Variants in CCDC91 observed in about 807,000 individuals in gnomAD.
CCDC91 encodes coiled-coil domain containing 91, also known as coiled-coil domain-containing protein 91.
CCDC91 carries 48 observed loss-of-function variants against 63.2 expected under a neutral mutation model. That is an observed-to-expected ratio of 0.76 (90% CI 0.60 to 0.97). The LOEUF is 0.97. Ranked by LOEUF, CCDC91 falls within the 50% of genes least tolerant of loss-of-function variation. The pLI is 0.00. For missense variants in CCDC91, 500 were observed against 494.6 expected (o/e 1.01, Z -0.10); for synonymous variants, 167 against 165.8 (o/e 1.01, Z -0.06).
intron 8 of CCDC91, among the ~76,000 whole-genome samples, chr12:28,406,606 CAGA>C (rs1178994272): frequency 6.6e-6 from 1 of 152,010 alleles, no homozygotes; most frequent in Non-Finnish European, 1.5e-5. Context: ...TTTCTAAGAG[CAGA>C]AGTTTTAAGG....
chr12:28,394,617 G>T (rs1349690896), intron 8 of CCDC91, among the ~76,000 whole-genome samples: 1 of 151,674 alleles, frequency 6.6e-6, no homozygotes, highest in African/African-American at 2.4e-5. Context: ...AGTACCTTCA[G>T]TTTAACAACA....
intron 12 of CCDC91, among the ~76,000 whole-genome samples, chr12:28,512,190 C>CT (rs1438121497): frequency 6.6e-6 from 1 of 151,798 alleles, no homozygotes; most frequent in South Asian, 2.1e-4. Flanking sequence ...GTACAAATGT[C>CT]TTTTTTGTAT....
At chr12:28,213,172 A>G (rs905035567) in intron 1 of CCDC91, among the ~76,000 whole-genome samples, 6 of 152,254 alleles carry the variant, frequency 3.9e-5, no homozygotes, top group Admixed American at 3.9e-4. Context: ...CTTTCCCCCC[A>G]GGGGAATTAA....
At chr12:28,286,456 G>GT (rs1351864014) in intron 3 of CCDC91, among the ~76,000 whole-genome samples, 2 of 152,094 alleles carry the variant, frequency 1.3e-5, no homozygotes, top group Non-Finnish European at 2.9e-5. Flanking sequence ...AGAACATAGA[G>GT]TTTTTGGCTT....
At chr12:28,505,876 G>A (rs76151073) in intron 12 of CCDC91, among the ~76,000 whole-genome samples, 250 of 152,074 alleles carry the variant, frequency 1.6e-3, no homozygotes, top group African/African-American at 5.9e-3. Context: ...CTCCAACGGA[G>A]AGCAAACAGA....
In CCDC91 at chr12:28,282,860, T is replaced by C. The variant is rs142293663; in HGVS notation, c.110-22789T>C. On this transcript the variant is annotated intron_variant, in intron 3 of 12. Coordinates refer to ENST00000536442, the MANE Select transcript of CCDC91 (RefSeq NM_018318.5). The stretch of plus-strand genomic sequence containing the variant: ...TCAGGTCTTAGATTTAAGTCTTTAA[T>C]ACATCTTGGGTTAGTTTTTACATAT... Among the ~76,000 whole-genome samples, 82 of 152,256 alleles carry C rather than the reference T, an allele frequency of 5.4e-4. 1 individual carries two copies. The East Asian group carries it at 0.014, about 27-fold the overall frequency.
At chr12:28,407,784 T>G (rs1947044590) in intron 8 of CCDC91, among the ~76,000 whole-genome samples, 1 of 152,018 alleles carries the variant, frequency 6.6e-6, no homozygotes, top group African/African-American at 2.4e-5. Context: ...TTCTAAGTTT[T>G]CAATATTCAG....
intron 8 of CCDC91, among the ~76,000 whole-genome samples, chr12:28,402,587 C>CAAA (rs34654808): frequency 1.1e-4 from 11 of 99,354 alleles, no homozygotes; most frequent in African/African-American, 3.9e-4. Flanking sequence ...ATGTCATCTG[C>CAAA]AAAAAAAAAA....
At chr12:28,268,307 C>G (rs773772146) in intron 3 of CCDC91, among the ~76,000 whole-genome samples, 2 of 151,898 alleles carry the variant, frequency 1.3e-5, no homozygotes, top group Non-Finnish European at 2.9e-5. Context: ...TCGTGATCTG[C>G]CCACCTCGGC....
intron 12 of CCDC91, among the ~76,000 whole-genome samples, chr12:28,514,666 A>G (rs375417728): frequency 9.2e-5 from 14 of 151,848 alleles, no homozygotes; most frequent in African/African-American, 3.1e-4. Flanking sequence ...ATTTTTGTAT[A>G]TGGCATAAGG....
chr12:28,211,390 T>A (rs1376225239), intron 1 of CCDC91, among the ~76,000 whole-genome samples: 1 of 152,074 alleles, frequency 6.6e-6, no homozygotes, highest in Non-Finnish European at 1.5e-5. Context: ...GCAAAATACG[T>A]GTGACAAAAC....
At chr12:28,518,143 G>T (rs112737316) in intron 12 of CCDC91, among the ~76,000 whole-genome samples, 1 of 152,016 alleles carries the variant, frequency 6.6e-6, no homozygotes, top group African/African-American at 2.4e-5. Flanking sequence ...TCTCTGGGTA[G>T]ATACCCAGTA....
intron 1 of CCDC91, among the ~76,000 whole-genome samples, chr12:28,249,161 T>G (rs966561948): frequency 6.6e-6 from 1 of 152,196 alleles, no homozygotes; most frequent in African/African-American, 2.4e-5. Flanking sequence ...ATAGCTTTTC[T>G]GGAGAATGAG....
chr12:28,267,902 TTA>T (rs1277135558), intron 3 of CCDC91, among the ~76,000 whole-genome samples: 2 of 57,924 alleles, frequency 3.5e-5, no homozygotes, highest in Non-Finnish European at 7.8e-5. Context: ...TTATATATAA[TTA>T]TATTATATAT....
intron 8 of CCDC91, 52 bp from the exon 9 acceptor site, chr12:28,450,109 G>T: frequency 3.0e-6 from 3 of 1,001,754 alleles, no homozygotes; most frequent in South Asian, 3.4e-5. Context: ...TCTCCTTGTT[G>T]ACAGATACCT....
intron 1 of CCDC91, among the ~76,000 whole-genome samples, chr12:28,256,358 T>C (rs1471230565): frequency 6.6e-6 from 1 of 151,988 alleles, no homozygotes; most frequent in African/African-American, 2.4e-5. Context: ...TTTTAATGTA[T>C]ACTTCCTCTT....
chr12:28,215,704 A>G (rs1322950672), intron 1 of CCDC91, among the ~76,000 whole-genome samples: 1 of 152,192 alleles, frequency 6.6e-6, no homozygotes, highest in Non-Finnish European at 1.5e-5. Flanking sequence ...CAGAATTTAT[A>G]GTAAATATTT....
chr12:28,545,687 C>T (rs1443059156), intron 12 of CCDC91, among the ~76,000 whole-genome samples: 2 of 152,074 alleles, frequency 1.3e-5, no homozygotes, highest in African/African-American at 2.4e-5. Flanking sequence ...TCATGCCTAC[C>T]ATCTTATAGT....
At chr12:28,234,528 A>T (rs1944807372) in intron 1 of CCDC91, among the ~76,000 whole-genome samples, 2 of 152,186 alleles carry the variant, frequency 1.3e-5, no homozygotes, top group Non-Finnish European at 2.9e-5. Flanking sequence ...TAATAGACAT[A>T]ACCCAGATAA....
Sources: allele counts gnomAD v4.1 joint callset (sites outside exome capture counted in the v4.1 genomes callset), GRCh38; gene constraint gnomAD v4.1.1; transcripts MANE v1.5; gene names NCBI Gene and HGNC (gene_info 2026-07-23, HGNC 2026-07-21).